The following CSMD1 variants were observed in gnomAD, a reference collection of about 807,000 sequenced individuals.
The protein encoded by CSMD1 is CUB and sushi domain-containing protein 1.
Under a neutral mutation model 417.5 loss-of-function variants are expected in CSMD1, and 213 were observed. The ratio of observed to expected loss-of-function variants is 0.51; its 90% CI spans 0.46 to 0.57. The LOEUF (loss-of-function observed/expected upper bound fraction) is 0.57. CSMD1 is among the 20% of genes least tolerant of loss of function. The pLI is 0.00. For synonymous variants in CSMD1, 2,862 were observed against 1,736.8 expected (o/e 1.65, Z -16.11); for missense variants, 6,923 against 4,529.7 (o/e 1.53, Z -15.17).
chr8:4,369,366 T>C (rs1200029716), intron 3 of CSMD1, among the ~76,000 whole-genome samples: 1 of 152,172 alleles, frequency 6.6e-6, no homozygotes, highest in Non-Finnish European at 1.5e-5. Context: ...GCCAAGCATG[T>C]GGTTGATCTT....
At chr8:3,714,561 C>CAAAAAAAAACAA (rs1801718473) in intron 6 of CSMD1, among the ~76,000 whole-genome samples, 1 of 70,554 alleles carries the variant, frequency 1.4e-5, no homozygotes, top group African/African-American at 5.5e-5. Context: ...ATCTCTATCC[C>CAAAAAAAAACAA]AAAAAAAAAA....
chr8:3,507,329 T>A (rs1393491459), intron 10 of CSMD1, among the ~76,000 whole-genome samples: 3 of 152,334 alleles, frequency 2.0e-5, no homozygotes, highest in Admixed American at 6.5e-5. Context: ...AAAAAGGACA[T>A]GAACTCATCA....
chr8:3,699,052 C>T (rs1222489217), intron 7 of CSMD1, among the ~76,000 whole-genome samples: 2 of 152,218 alleles, frequency 1.3e-5, no homozygotes, highest in Non-Finnish European at 2.9e-5. Context: ...TAGCGAAGCA[C>T]TCTGCAGAAA....
chr8:4,761,530 T>A (rs1812067149), intron 1 of CSMD1, among the ~76,000 whole-genome samples: 1 of 152,134 alleles, frequency 6.6e-6, no homozygotes, highest in African/African-American at 2.4e-5. Flanking sequence ...ATTGTATATG[T>A]ACTTGGGCAG....
intron 18 of CSMD1, among the ~76,000 whole-genome samples, chr8:3,385,083 T>A (rs552960415): frequency 6.6e-5 from 7 of 105,688 alleles, no homozygotes; most frequent in Admixed American, 5.6e-4. Flanking sequence ...TATATATAAT[T>A]TATATATAAA....
At chr8:3,464,634 AATCT>A (rs1437572112) in intron 12 of CSMD1, among the ~76,000 whole-genome samples, 1 of 150,172 alleles carries the variant, frequency 6.7e-6, no homozygotes, top group Non-Finnish European at 1.5e-5. Flanking sequence ...ATATAGGTAG[AATCT>A]ATATATATAG....
intron 3 of CSMD1, among the ~76,000 whole-genome samples, chr8:4,194,789 T>G (rs937054555): frequency 2.0e-5 from 3 of 152,176 alleles, no homozygotes; most frequent in Admixed American, 1.3e-4. Context: ...ACAACCTTCA[T>G]GAGACTCTTT....
At chr8:4,752,217 ATATCT>A (rs1357179148) in intron 1 of CSMD1, among the ~76,000 whole-genome samples, 13 of 152,268 alleles carry the variant, frequency 8.5e-5, no homozygotes, top group Admixed American at 7.8e-4. Flanking sequence ...CAGTACTATC[ATATCT>A]TAATTTTTTT....
intron 8 of CSMD1, among the ~76,000 whole-genome samples, chr8:3,592,613 T>G (rs1275930429): frequency 6.6e-6 from 1 of 152,168 alleles, no homozygotes; most frequent in Non-Finnish European, 1.5e-5. Flanking sequence ...AACAAAGCTG[T>G]GAGCAGGAGG....
At chr8:3,497,131 G>A (rs1442652852) in intron 10 of CSMD1, among the ~76,000 whole-genome samples, 2 of 152,298 alleles carry the variant, frequency 1.3e-5, no homozygotes, top group African/African-American at 2.4e-5. Context: ...GCTGTTGGAT[G>A]AAATGTTCTG....
chr8:4,934,606 T>A (rs562239384), intron 1 of CSMD1, among the ~76,000 whole-genome samples: 36 of 151,890 alleles, frequency 2.4e-4, no homozygotes, highest in East Asian at 1.4e-3. Flanking sequence ...AATGTCTACC[T>A]TTTTATTTTT....
At position 4,945,063 on chromosome 8, in the gene CSMD1, T is replaced by C. The variant is rs1404056023; in HGVS notation, c.85+49269A>G. 2.6e-5 allele frequency among the ~76,000 whole-genome samples: 4 copies of C among 152,090 alleles called. No homozygotes were observed. In the East Asian group the frequency reaches 5.8e-4, roughly 22 times the overall value. ...GGTCTCTTCACACGAAAATTATTTA[T>C]CCTAAAAAGGAAGAAAATCCTGACA... On this transcript the variant is annotated intron_variant, in intron 1 of 69. Transcript: ENST00000635120.
At chr8:4,844,047 C>G (rs1434064700) in intron 1 of CSMD1, among the ~76,000 whole-genome samples, 1 of 152,154 alleles carries the variant, frequency 6.6e-6, no homozygotes, top group Non-Finnish European at 1.5e-5. Context: ...TCACTGCATG[C>G]ATGTTAAATG....
At chr8:3,373,176 C>T (rs1810080496) in intron 18 of CSMD1, among the ~76,000 whole-genome samples, 2 of 152,092 alleles carry the variant, frequency 1.3e-5, no homozygotes, top group Non-Finnish European at 2.9e-5. Context: ...AGTATAAAAA[C>T]AATCAATCTT....
chr8:3,651,576 T>C (rs1427279032), intron 7 of CSMD1, among the ~76,000 whole-genome samples: 1 of 152,124 alleles, frequency 6.6e-6, no homozygotes, highest in Non-Finnish European at 1.5e-5. Flanking sequence ...CCACCACATC[T>C]AGAACACTAG....
chr8:3,249,279 C>T (rs535725887), intron 26 of CSMD1, among the ~76,000 whole-genome samples: 25 of 151,978 alleles, frequency 1.6e-4, no homozygotes, highest in Admixed American at 9.2e-4. Context: ...TGGAGTGCAG[C>T]GGCGTGATCT....
chr8:4,921,819 C>T (rs530511997), intron 1 of CSMD1, among the ~76,000 whole-genome samples: 1 of 152,252 alleles, frequency 6.6e-6, no homozygotes, highest in Admixed American at 6.5e-5. Context: ...GGCGAGAGGA[C>T]TTTATAAAAG....
rs558651230 is a variant in CSMD1 at position 3,520,815 on chromosome 8, G to C, written c.1345-27089C>G. Among the ~76,000 whole-genome samples the C allele has an allele frequency of 5.9e-5, 9 of 152,062 alleles. No homozygotes were observed. The South Asian group carries it at 1.9e-3, about 32-fold the overall frequency. The stretch of plus-strand genomic sequence containing the variant: ...ACATCTGTAGAGGAAATCTCCACTA[G>C]GAAACATCAACACCTCAAATACAAC... On this transcript the variant is annotated intron_variant, in intron 10 of 69. Transcript: ENST00000635120.
chr8:3,129,517 G>C (rs577739559), intron 41 of CSMD1, among the ~76,000 whole-genome samples: 1 of 152,186 alleles, frequency 6.6e-6, no homozygotes, highest in East Asian at 1.9e-4. Flanking sequence ...GCTCATGCCT[G>C]TAATCCCAGC....
Sources: gnomAD v4.1 joint callset for allele counts (sites outside exome capture counted in the v4.1 genomes callset) on GRCh38, gnomAD v4.1.1 for gene constraint, MANE v1.5 for transcripts, NCBI Gene and HGNC (gene_info 2026-07-23, HGNC 2026-07-21) for gene names.